Variants in SLC8A3 observed in about 807,000 individuals in gnomAD.
SLC8A3 encodes the protein solute carrier family 8 member A3.
A neutral mutation model predicts 65.4 loss-of-function variants in SLC8A3; 37 were observed. The observed-to-expected ratio is 0.57, with a 90% CI of 0.44 to 0.74. The LOEUF is 0.74. Among genes scored for constraint, SLC8A3 ranks in the 30% least tolerant of loss-of-function variants. SLC8A3 has a pLI of 0.00. For missense variants in SLC8A3, 1,112 were observed against 1,172.1 expected, an observed-to-expected ratio of 0.95 and a Z score of 0.75; for synonymous variants, 461 against 444.5, an observed-to-expected ratio of 1.04 and a Z score of -0.47.
At chr14:70,157,761 C>T (rs1896660798) in intron 2 of SLC8A3, among the ~76,000 whole-genome samples, 1 of 152,206 alleles carries the variant, frequency 6.6e-6, no homozygotes, top group Admixed American at 6.5e-5. Flanking sequence ...CAATTAAACC[C>T]TCTCGTTTTC....
rs147933517 is a variant in SLC8A3 at position 70,063,465 on chromosome 14, C to G, written c.1785-2526G>C. Among the ~76,000 whole-genome samples, 236 of 152,324 alleles carry G rather than the reference C, an allele frequency of 1.5e-3. 2 individuals carry two copies. The highest frequency in any genetic ancestry group is 3.7e-3 in the South Asian group (18 of 4,826). On this transcript the variant is annotated intron_variant, in intron 2 of 6. Coordinates refer to ENST00000356921, the MANE Select transcript of SLC8A3 (RefSeq NM_182932.3). ...CTGGGCTATGTGGTCCCTTTTCCCC[C>G]CTTTATGCCCAGCCATTCTGGAGAA...
At chr14:70,071,674 C>G (rs139480322) in intron 2 of SLC8A3, among the ~76,000 whole-genome samples, 171 of 152,282 alleles carry the variant, frequency 1.1e-3, no homozygotes, top group Middle Eastern at 0.01. Flanking sequence ...CTCACGAGAA[C>G]TTGGACAGAG....
intron 2 of SLC8A3, among the ~76,000 whole-genome samples, chr14:70,144,750 A>T (rs1033014056): frequency 2.0e-5 from 3 of 152,192 alleles, no homozygotes; most frequent in African/African-American, 7.2e-5. Context: ...TTTAACAGTC[A>T]TCACAACCTA....
chr14:70,106,204 T>C (rs910772446), intron 2 of SLC8A3, among the ~76,000 whole-genome samples: 9 of 152,160 alleles, frequency 5.9e-5, no homozygotes, highest in Non-Finnish European at 2.9e-5. Context: ...ACCACTTTTA[T>C]TCAACATACT....
chr14:70,109,289 A>ATATATATATATGTATATATATACACAT (rs1354305333), intron 2 of SLC8A3, among the ~76,000 whole-genome samples: 1 of 146,958 alleles, frequency 6.8e-6, no homozygotes, highest in Non-Finnish European at 1.5e-5. Context: ...TTCTTAACCT[A>ATATATATATATGTATATATATACACAT]TATATATATA....
chr14:70,184,785 C>T lies in SLC8A3; in HGVS notation c.-63+3594G>A, dbSNP rs2140452189. Reference sequence around the variant, plus strand: ...ATTTTATTTGCCTCTGTACTTAGCACATGCCTGTCAGAGTAGGTGGCTGTT... The same window carrying T: ...ATTTTATTTGCCTCTGTACTTAGCATATGCCTGTCAGAGTAGGTGGCTGTT... On this transcript the variant is annotated intron_variant, in intron 1 of 6. Coordinates refer to ENST00000356921, the MANE Select transcript of SLC8A3 (RefSeq NM_182932.3). Among the ~76,000 whole-genome samples the T allele has an allele frequency of 1.3e-5, 2 of 152,324 alleles. 1 individual carries two copies. Among genetic ancestry groups the T allele is most frequent in the Admixed American group, 1.3e-4 (2 of 15,292 alleles).
intron 2 of SLC8A3, among the ~76,000 whole-genome samples, chr14:70,077,225 T>C (rs1240833013): frequency 6.6e-6 from 1 of 152,022 alleles, no homozygotes; most frequent in Non-Finnish European, 1.5e-5. Context: ...AGGTAGGGTG[T>C]TTTCTGAATT....
intron 2 of SLC8A3, among the ~76,000 whole-genome samples, chr14:70,160,432 A>C (rs2140340827): frequency 6.6e-6 from 1 of 152,302 alleles, no homozygotes; most frequent in South Asian, 2.1e-4. Flanking sequence ...TCTGTCCCGA[A>C]ATAAATAAAT....
At chr14:70,083,041 C>T (rs1891170519) in intron 2 of SLC8A3, among the ~76,000 whole-genome samples, 1 of 152,152 alleles carries the variant, frequency 6.6e-6, no homozygotes, top group African/African-American at 2.4e-5. Context: ...AATCTGAGCT[C>T]ATGGTCCAAA....
chr14:70,082,088 A>T (rs1256945854), intron 2 of SLC8A3, among the ~76,000 whole-genome samples: 1 of 152,184 alleles, frequency 6.6e-6, no homozygotes, highest in Non-Finnish European at 1.5e-5. Context: ...AAGCTATTAG[A>T]AGTCAGGTAA....
intron 2 of SLC8A3, among the ~76,000 whole-genome samples, chr14:70,158,480 A>G (rs1318209421): frequency 6.6e-6 from 1 of 152,198 alleles, no homozygotes; most frequent in African/African-American, 2.4e-5. Flanking sequence ...TTTTGCAGCC[A>G]TATTTGGAAT....
intron 2 of SLC8A3, among the ~76,000 whole-genome samples, chr14:70,155,588 C>T (rs1038862612): frequency 3.9e-5 from 6 of 152,158 alleles, no homozygotes; most frequent in Admixed American, 6.5e-5. Flanking sequence ...AATGGTATGA[C>T]AAAATCCTTA....
intron 2 of SLC8A3, among the ~76,000 whole-genome samples, chr14:70,072,283 C>A (rs1190554782): frequency 6.6e-6 from 1 of 152,166 alleles, no homozygotes; most frequent in Non-Finnish European, 1.5e-5. Context: ...TCTGAGGTAA[C>A]TGCATGATTA....
At chr14:70,139,570 A>G (rs550861600) in intron 2 of SLC8A3, among the ~76,000 whole-genome samples, 1 of 152,316 alleles carries the variant, frequency 6.6e-6, no homozygotes, top group East Asian at 1.9e-4. Context: ...AGGTATCTGC[A>G]GAAAGGCAAT....
chr14:70,079,800 T>G (rs1159654713), intron 2 of SLC8A3, among the ~76,000 whole-genome samples: 1 of 152,238 alleles, frequency 6.6e-6, no homozygotes, highest in Non-Finnish European at 1.5e-5. Flanking sequence ...CTCAGAATTT[T>G]TATATGGCCT....
chr14:70,142,458 A>G (rs1017444606), intron 2 of SLC8A3, among the ~76,000 whole-genome samples: 1 of 152,226 alleles, frequency 6.6e-6, no homozygotes, highest in Admixed American at 6.5e-5. Context: ...TTTGTGTGAA[A>G]TAAGGCATCA....
chr14:70,175,347 C>T (rs1012249854), intron 1 of SLC8A3, among the ~76,000 whole-genome samples: 2 of 152,086 alleles, frequency 1.3e-5, no homozygotes, highest in Non-Finnish European at 2.9e-5. Context: ...GAGATAGGGG[C>T]CTCAAAGATT....
intron 2 of SLC8A3, among the ~76,000 whole-genome samples, chr14:70,148,328 AC>A (rs1379997306): frequency 6.6e-6 from 1 of 152,042 alleles, no homozygotes; most frequent in Admixed American, 6.6e-5. Flanking sequence ...TCAGGATGTA[AC>A]CCCATCATAG....
intron 2 of SLC8A3, among the ~76,000 whole-genome samples, chr14:70,081,452 G>A (rs375633122): frequency 2.0e-4 from 30 of 152,236 alleles, no homozygotes; most frequent in African/African-American, 7.0e-4. Context: ...CTGATTCCTC[G>A]AGCTCATTTT....
Sources: gnomAD v4.1 joint callset for allele counts (sites outside exome capture counted in the v4.1 genomes callset) on GRCh38, gnomAD v4.1.1 for gene constraint, MANE v1.5 for transcripts, NCBI Gene and HGNC (gene_info 2026-07-23, HGNC 2026-07-21) for gene names.